Variants in SPTBN1 observed in about 807,000 individuals in gnomAD.
The protein encoded by SPTBN1 is spectrin beta chain, non-erythrocytic 1.
A neutral mutation model predicts 266.4 loss-of-function variants in SPTBN1; 32 were observed. That is an observed-to-expected ratio of 0.12 (90% confidence interval 0.09 to 0.16). The LOEUF (loss-of-function observed/expected upper bound fraction) is 0.16. SPTBN1 is among the 10% of genes least tolerant of loss of function. The pLI, the probability that SPTBN1 is intolerant of heterozygous loss-of-function variation, is 1.00. For missense variants in SPTBN1, 2,296 were observed against 3,067.1 expected (o/e 0.75, Z 5.94); for synonymous variants, 1,336 against 1,162.2 (o/e 1.15, Z -3.04).
At chr2:54,617,454 C>T (rs1010137762) in intron 5 of SPTBN1, among the ~76,000 whole-genome samples, 154 bp from the exon 6 acceptor site, 2 of 152,150 alleles carry the variant, frequency 1.3e-5, no homozygotes, top group Non-Finnish European at 2.9e-5. Flanking sequence ...CTCGAGTTGA[C>T]GGATTATTTG....
intron 19 of SPTBN1, among the ~76,000 whole-genome samples, chr2:54,643,708 G>A (rs1003172212): frequency 6.6e-6 from 1 of 152,110 alleles, no homozygotes; most frequent in Non-Finnish European, 1.5e-5. Flanking sequence ...TGTTGGCAGG[G>A]CACGGTGGCT....
At chr2:54,479,861 TG>T in intron 1 of SPTBN1, among the ~76,000 whole-genome samples, 1 of 138,540 alleles carries the variant, frequency 7.2e-6, no homozygotes, top group Non-Finnish European at 1.6e-5. Context: ...AAGCAAATTT[TG>T]CTTTTTTTTT....
At chr2:54,647,808 A>G (rs2104084063) in intron 24 of SPTBN1, among the ~76,000 whole-genome samples, 2 of 152,222 alleles carry the variant, frequency 1.3e-5, no homozygotes, top group Middle Eastern at 6.8e-3. Context: ...ACACTGCTGC[A>G]CTCCAGCCTG....
chr2:54,664,840 C>T lies in SPTBN1; in HGVS notation c.6659+149C>T, dbSNP rs557709034. 4.7e-5 allele frequency: 37 copies of T among 791,804 alleles called. No homozygotes were observed. The highest frequency in any genetic ancestry group is 3.2e-4 in the Admixed American group (11 of 34,828). The allele number at this position is 791,804 out of a possible 1,614,324, so 49.0% of individuals were successfully genotyped here. The stretch of plus-strand genomic sequence containing the variant: ...GGACATTGCATTCTTCTTGGGCTGA[C>T]GCTGGAAAGCAGGAGTAGAATGCTG... On this transcript the variant is annotated intron_variant, in intron 33 of 35. Transcript: ENST00000356805. This position sits in a 1 kb window ranked among gnomAD's most constrained non-coding sequence, Gnocchi z 5.6.
chr2:54,569,446 G>T (rs1176369253), intron 2 of SPTBN1, among the ~76,000 whole-genome samples: 5 of 152,166 alleles, frequency 3.3e-5, no homozygotes, highest in Non-Finnish European at 5.9e-5. Flanking sequence ...GTTCACGTAA[G>T]ATCCCACAAG....
At position 54,664,487 on chromosome 2, in the gene SPTBN1, A is replaced by G. The variant is rs1201129500; in HGVS notation, c.6455A>G (p.Asn2152Ser). Residue 2152 changes from asparagine to serine, a missense_variant, in exon 33 of 36, where the codon AAC becomes AGC. By Grantham distance (46) the Asn-to-Ser change is conservative (BLOSUM62 1). This residue lies in a region of SPTBN1 where 347 missense variants were observed against 368.5 expected (regional missense o/e 0.94). Transcript: ENST00000356805. The surrounding 1 kb of genome is among the most constrained non-coding windows in gnomAD (Gnocchi z 5.6). ...AETVDTSEMV[N>S]GATEQRTSSK... ...ACGGTGGACACAAGCGAAATGGTCA[A>G]CGGCGCTACAGAACAAAGGACGAGC... The G allele has an allele frequency of 6.2e-7, 1 of 1,613,818 alleles. No individual in the cohort carries two copies. Among genetic ancestry groups the G allele is most frequent in the Non-Finnish European group, 8.5e-7 (1 of 1,179,750 alleles).
intron 1 of SPTBN1, among the ~76,000 whole-genome samples, chr2:54,477,806 G>C (rs967893383): frequency 3.3e-5 from 5 of 152,226 alleles, no homozygotes; most frequent in Admixed American, 3.3e-4. Context: ...AGCTACTCAG[G>C]AGGCTGAGGC....
rs145221949 is a variant in SPTBN1 at position 54,647,199 on chromosome 2, A to G, written c.4935A>G (p.Ala1645=). The part of the protein sequence containing the change: ...QILEQAVEDY[A]ETVHQLSKTS... ...TAGAACAAGCTGTGGAGGACTATGC[A>G]GAGACCGTGCATCAGCTCTCCAAGA... Residue 1645 remains alanine, a synonymous_variant, in exon 24 of 36, where the codon GCA becomes GCG. Transcript: ENST00000356805. The G allele has an allele frequency of 9.3e-6, 15 of 1,614,210 alleles. No homozygotes were observed. The highest frequency in any genetic ancestry group is 2.2e-5 in the East Asian group (1 of 44,880).
At chr2:54,610,473 C>G (rs1677140884) in intron 3 of SPTBN1, among the ~76,000 whole-genome samples, 1 of 151,962 alleles carries the variant, frequency 6.6e-6, no homozygotes, top group Non-Finnish European at 1.5e-5. Flanking sequence ...CCATGTTGTC[C>G]AGGCTGGTCT....
At chr2:54,561,497 T>C (rs547397693) in intron 2 of SPTBN1, among the ~76,000 whole-genome samples, 3 of 152,260 alleles carry the variant, frequency 2.0e-5, no homozygotes, top group Admixed American at 2.0e-4. Context: ...GATAGTGCTA[T>C]GATTTTTCTG....
rs537100846 is a variant in SPTBN1 at position 54,491,333 on chromosome 2, C to T, written c.-48+34815C>T. Among the ~76,000 whole-genome samples the T allele has an allele frequency of 1.1e-4, 17 of 152,202 alleles. No homozygotes were observed. The South Asian group carries it at 2.5e-3, about 22-fold the overall frequency. On this transcript the variant is annotated intron_variant, in intron 1 of 35. Transcript: ENST00000356805. ...GGATTGAAGGTCACATTTTCTCTTT[C>T]GACCATTCTACACTTAGGTAGAAAA...
intron 2 of SPTBN1, among the ~76,000 whole-genome samples, chr2:54,579,326 A>G (rs1361901943): frequency 1.3e-5 from 2 of 152,202 alleles, no homozygotes; most frequent in African/African-American, 4.8e-5. Flanking sequence ...ATACAGTGCC[A>G]GGTTATCAAC....
rs1416436347 is a variant in SPTBN1 at position 54,626,141 on chromosome 2, C to T, written c.1551C>T (p.Leu517=). 3 of 1,614,106 alleles carry T rather than the reference C, an allele frequency of 1.9e-6. No homozygotes were observed. The highest frequency in any genetic ancestry group is 2.7e-5 in the African/African-American group (2 of 74,938). The change falls in exon 12 of 36, where the codon CTC becomes CTT. Residue 517 remains leucine, a synonymous_variant. Coordinates refer to ENST00000356805, the MANE Select transcript of SPTBN1 (RefSeq NM_003128.3). This position sits in a 1 kb window ranked among gnomAD's most constrained non-coding sequence, Gnocchi z 4.7. The stretch of plus-strand genomic sequence containing the variant: ...TCTGGGAATACCTACTGGAACTGCT[C>T]AGGGCCCGGAGACAGCGGCTCGAGA... The part of the protein sequence containing the change: ...IRLWEYLLEL[L]RARRQRLEMN...
At chr2:54,592,998 C>G (rs938547085) in intron 2 of SPTBN1, among the ~76,000 whole-genome samples, 1 of 152,184 alleles carries the variant, frequency 6.6e-6, no homozygotes, top group African/African-American at 2.4e-5. Context: ...CATTCAGATG[C>G]ATGGCAATGT....
At chr2:54,638,770 C>G (rs371885701) in intron 18 of SPTBN1, among the ~76,000 whole-genome samples, 1 of 151,952 alleles carries the variant, frequency 6.6e-6, no homozygotes, top group South Asian at 2.1e-4. Context: ...CTGCAGGAAC[C>G]TTGATGGGGC....
chr2:54,594,884 G>C (rs1675961269), intron 2 of SPTBN1, among the ~76,000 whole-genome samples: 1 of 129,464 alleles, frequency 7.7e-6, no homozygotes. Context: ...GCCAAGGCTG[G>C]AGTGCAATGG....
chr2:54,659,301 G>A (rs1680881974), intron 31 of SPTBN1, 35 bp downstream of exon 31: 1 of 1,603,740 alleles, frequency 6.2e-7, no homozygotes, highest in Non-Finnish European at 8.5e-7. Flanking sequence ...TGGACCCTTA[G>A]CCTCGGTGGC....
At position 54,668,507 on chromosome 2, in the gene SPTBN1, C is replaced by T. The variant is rs900164143; in HGVS notation, c.7033C>T (p.Arg2345Trp). The change falls in exon 36 of 36, where the codon CGG becomes TGG. Residue 2345 changes from arginine to tryptophan, a missense_variant. Arg to Trp is a moderately radical substitution (Grantham distance 101, BLOSUM62 -3). Around this residue, in one of 12 missense-constraint regions of SPTBN1, gnomAD observed 347 missense variants for 368.5 expected, o/e 0.94. Coordinates refer to ENST00000356805, the MANE Select transcript of SPTBN1 (RefSeq NM_003128.3). ...CACCAGCGAGTCCAGTCCCGGCAAG[C>T]GGGAAAAGGACAAAGAGAAAGACAA... ...TITSESSPGK[R>W]EKDKEKDKEK... 5 of 1,614,004 alleles carry T rather than the reference C, an allele frequency of 3.1e-6. No individual in the cohort carries two copies. Among genetic ancestry groups the T allele is most frequent in the East Asian group, 2.2e-5 (1 of 44,888 alleles).
In SPTBN1 at chr2:54,655,053, C is replaced by T. The variant is rs202210530; in HGVS notation, c.5823-17C>T. 8.4e-5 allele frequency: 134 copies of T among 1,603,966 alleles called. No individual in the cohort carries two copies. Among genetic ancestry groups the T allele is most frequent in the Non-Finnish European group, 1.1e-4 (124 of 1,173,626 alleles). On this transcript the variant is annotated splice_polypyrimidine_tract_variant and intron_variant, in intron 27 of 35. Coordinates refer to ENST00000356805, the MANE Select transcript of SPTBN1 (RefSeq NM_003128.3). ...AAGCTTGATCTCCTAACGGAGGCATCGTTTGTCTAATTTTAGGGATGTATC... is the reference window on the plus strand; with the variant it reads ...AAGCTTGATCTCCTAACGGAGGCATTGTTTGTCTAATTTTAGGGATGTATC...
Sources: allele counts gnomAD v4.1 joint callset (sites outside exome capture counted in the v4.1 genomes callset), GRCh38; gene constraint gnomAD v4.1.1; regional missense constraint gnomAD v4.1.1; non-coding constraint Gnocchi (gnomAD v3.1); transcripts MANE v1.5; gene names NCBI Gene and HGNC (gene_info 2026-07-23, HGNC 2026-07-21).